The following TRAPPC9 variants were observed in gnomAD, a reference collection of about 807,000 sequenced individuals.
TRAPPC9 encodes IKK2 binding protein.
Under a neutral mutation model 124.0 loss-of-function variants are expected in TRAPPC9, and 83 were observed. That is an observed-to-expected ratio of 0.67 (90% CI 0.56 to 0.80). The LOEUF is 0.80. TRAPPC9 is among the 30% of genes least tolerant of loss of function. The pLI is 0.00. For missense variants in TRAPPC9, 1,302 were observed against 1,508.3 expected, an observed-to-expected ratio of 0.86 and a Z score of 2.27; for synonymous variants, 638 against 617.5, an observed-to-expected ratio of 1.03 and a Z score of -0.49.
intron 9 of TRAPPC9, among the ~76,000 whole-genome samples, chr8:140,351,201 C>G (rs1455308982): frequency 1.8e-5 from 2 of 110,154 alleles, no homozygotes; most frequent in African/African-American, 6.2e-5. Context: ...TAGTCGCTGA[C>G]TGTGCTGCCA....
chr8:140,173,553 CA>C (rs57984220), intron 17 of TRAPPC9, among the ~76,000 whole-genome samples: 4,060 of 59,790 alleles, frequency 0.068, 144 homozygotes, highest in African/African-American at 0.21. Context: ...GACTCTGTCT[CA>C]AAAAAAAAAA....
At chr8:140,451,445 T>A in intron 1 of TRAPPC9, 62 bp from the exon 2 acceptor site, 1 of 1,392,770 alleles carries the variant, frequency 7.2e-7, no homozygotes, top group Non-Finnish European at 9.9e-7. Context: ...GAGCCTACCC[T>A]GGGAGGCAGT....
intron 17 of TRAPPC9, among the ~76,000 whole-genome samples, chr8:140,061,939 C>T (rs1216148406): frequency 4.6e-5 from 7 of 152,296 alleles, no homozygotes; most frequent in African/African-American, 1.7e-4. Context: ...ACAAACAGGG[C>T]CACCTCCCAC....
chr8:140,162,422 C>G (rs1328399258), intron 17 of TRAPPC9, among the ~76,000 whole-genome samples: 1 of 152,222 alleles, frequency 6.6e-6, no homozygotes, highest in Non-Finnish European at 1.5e-5. Context: ...CTTTATTGAT[C>G]TGCTGATTAC....
intron 20 of TRAPPC9, among the ~76,000 whole-genome samples, chr8:139,897,020 C>T (rs1227104603): frequency 6.6e-6 from 1 of 152,188 alleles, no homozygotes; most frequent in African/African-American, 2.4e-5. Context: ...CACAGAAGTC[C>T]CCTAACCCAT....
chr8:140,453,504 G>A (rs1018033144), intron 1 of TRAPPC9, among the ~76,000 whole-genome samples: 1 of 37,482 alleles, frequency 2.7e-5, no homozygotes, highest in South Asian at 8.5e-4. Flanking sequence ...ACTGTGTGTC[G>A]GGGGCTATCC....
chr8:140,149,202 C>G (rs1335821423), intron 17 of TRAPPC9, among the ~76,000 whole-genome samples: 1 of 152,122 alleles, frequency 6.6e-6, no homozygotes, highest in Non-Finnish European at 1.5e-5. Flanking sequence ...TACCTGCAGA[C>G]AAGGACTAAT....
At chr8:139,864,605 A>AT (rs1489383625) in intron 21 of TRAPPC9, among the ~76,000 whole-genome samples, 11 of 152,232 alleles carry the variant, frequency 7.2e-5, no homozygotes, top group African/African-American at 2.6e-4. Context: ...CCTAGCTTCC[A>AT]TCTCTGTAAA....
At chr8:140,271,694 C>G (rs908195743) in intron 15 of TRAPPC9, among the ~76,000 whole-genome samples, 1 of 152,216 alleles carries the variant, frequency 6.6e-6, no homozygotes, top group African/African-American at 2.4e-5. Flanking sequence ...GAATGCTACA[C>G]CATTATATAC....
intron 16 of TRAPPC9, among the ~76,000 whole-genome samples, chr8:140,229,141 A>G (rs2063523224): frequency 6.6e-6 from 1 of 152,138 alleles, no homozygotes; most frequent in Non-Finnish European, 1.5e-5. Flanking sequence ...ATAGAAAATA[A>G]TTTCAGAAGG....
intron 21 of TRAPPC9, among the ~76,000 whole-genome samples, chr8:139,790,087 C>T (rs1273820623): frequency 6.6e-6 from 1 of 152,200 alleles, no homozygotes; most frequent in African/African-American, 2.4e-5. Context: ...TCTGTCCATG[C>T]ATCTGCGGAA....
At chr8:140,276,318 C>G (rs548070619) in intron 14 of TRAPPC9, among the ~76,000 whole-genome samples, 1 of 152,264 alleles carries the variant, frequency 6.6e-6, no homozygotes, top group Non-Finnish European at 1.5e-5. Flanking sequence ...TCCCACAGAC[C>G]CCTTCTTACA....
intron 21 of TRAPPC9, 126 bp from the exon 22 acceptor site, chr8:139,732,328 G>C (rs1277332699): frequency 1.1e-6 from 1 of 887,208 alleles, no homozygotes; most frequent in African/African-American, 1.7e-5. Flanking sequence ...CCCACTCCCT[G>C]CCAGGCTGGA....
intron 17 of TRAPPC9, among the ~76,000 whole-genome samples, chr8:140,183,334 A>G (rs2062250447): frequency 6.6e-6 from 1 of 152,232 alleles, no homozygotes; most frequent in Non-Finnish European, 1.5e-5. Context: ...CTCCTGACAC[A>G]GTTTACTGAA....
chr8:140,286,743 G>A (rs565968801), intron 13 of TRAPPC9, among the ~76,000 whole-genome samples: 2 of 152,240 alleles, frequency 1.3e-5, no homozygotes, highest in South Asian at 2.1e-4. Context: ...AGGCGCCCAG[G>A]GGCCAGCTGG....
At chr8:140,419,317 T>G (rs902007479) in intron 5 of TRAPPC9, among the ~76,000 whole-genome samples, 1 of 149,332 alleles carries the variant, frequency 6.7e-6, no homozygotes, top group Admixed American at 6.8e-5. Context: ...TAGTCCCAGC[T>G]ACTCGGGAGG....
intron 21 of TRAPPC9, among the ~76,000 whole-genome samples, chr8:139,873,514 A>T (rs1249084034): frequency 6.6e-6 from 1 of 152,080 alleles, no homozygotes; most frequent in Non-Finnish European, 1.5e-5. Flanking sequence ...CCTCAGTGCC[A>T]TGCCCTGCTC....
At chr8:139,818,835 C>T (rs939635766) in intron 21 of TRAPPC9, among the ~76,000 whole-genome samples, 8 of 152,234 alleles carry the variant, frequency 5.3e-5, no homozygotes, top group Non-Finnish European at 1.2e-4. Context: ...TCTATGAGAA[C>T]CAGGTCAAAT....
intron 20 of TRAPPC9, among the ~76,000 whole-genome samples, chr8:139,890,812 A>G (rs376599857): frequency 1.1e-4 from 17 of 152,146 alleles, no homozygotes; most frequent in East Asian, 3.8e-4. Context: ...TAACCTGCAC[A>G]ATGTGCACAT....
Sources: gnomAD v4.1 joint callset for allele counts (sites outside exome capture counted in the v4.1 genomes callset) on GRCh38, gnomAD v4.1.1 for gene constraint, MANE v1.5 for transcripts, NCBI Gene and HGNC (gene_info 2026-07-23, HGNC 2026-07-21) for gene names.